Variants in SP8 observed in about 807,000 individuals in gnomAD.
SP8 encodes Sp8 transcription factor.
A neutral mutation model predicts 15.3 loss-of-function variants in SP8; 7 were observed. That is an observed-to-expected ratio of 0.46 (90% CI 0.26 to 0.86). The LOEUF (loss-of-function observed/expected upper bound fraction) is 0.86, where lower values mean the gene tolerates loss of function less well. SP8 is among the 40% of genes least tolerant of loss of function. The pLI is 0.16. For synonymous variants in SP8, 415 were observed against 356.3 expected, an observed-to-expected ratio of 1.16 and a Z score of -1.86; for missense variants, 731 against 736.4, an observed-to-expected ratio of 0.99 and a Z score of 0.09.
Position 20,785,059 on chromosome 7 carries a change from G to A in SP8, c.758C>T (p.Pro253Leu), listed in dbSNP as rs776116903. ...SAAALPGSLH[P>L]AAGGLQTSLH... ...CGAGGTTTGGAGCCCCCCGGCGGCA[G>A]GGTGCAGCGAGCCGGGCAGCGCAGC... Residue 253 changes from proline (P) to leucine (L), a missense_variant, in exon 2 of 2, where the codon CCT (proline) becomes CTT (leucine). Physicochemically the swap from Pro to Leu is moderately conservative, Grantham distance 98. Coordinates refer to ENST00000418710, the MANE Select transcript of SP8 (RefSeq NM_182700.6). The surrounding 1 kb of genome is among the most constrained non-coding windows in gnomAD (Gnocchi z 7.2). The A allele has an allele frequency of 1.9e-6, 3 of 1,579,650 alleles. No individual in the cohort carries two copies. The highest frequency in any genetic ancestry group is 1.1e-5 in the South Asian group (1 of 89,044).
chr7:20,784,650 C>A lies in SP8; in HGVS notation c.1167G>T (p.Ser389=). ...GCCAGCGCAGGTGCGCCTTGAGGTG[C>A]GAAGTCTTGCCGTACACCTTGCCGC... The part of the protein sequence containing the change: ...PGCGKVYGKT[S]HLKAHLRWHT... Residue 389 remains serine (S), a synonymous_variant, in exon 2 of 2, where the codon TCG becomes TCT. Transcript: ENST00000418710. 2 of 1,610,392 alleles carry A rather than the reference C, an allele frequency of 1.2e-6. No individual in the cohort carries two copies. Among genetic ancestry groups the A allele is most frequent in the Non-Finnish European group, 1.7e-6 (2 of 1,179,222 alleles).
In SP8 at chr7:20,784,773, G is replaced by A. The variant is rs1469981331; in HGVS notation, c.1044C>T (p.Ala348=). ...CCTGGCAGTTGGGGCAGTCGCAGGTGGCGCGGCCGGAGTAGCGGCGAGCTG... is the reference window on the plus strand; with the variant it reads ...CCTGGCAGTTGGGGCAGTCGCAGGTAGCGCGGCCGGAGTAGCGGCGAGCTG... The part of the protein sequence containing the change: ...RSSARRYSGR[A]TCDCPNCQEA... The change falls in exon 2 of 2, where the codon GCC becomes GCT. Residue 348 remains alanine (A), a synonymous_variant. Coordinates refer to ENST00000418710, the MANE Select transcript of SP8 (RefSeq NM_182700.6). The A allele has an allele frequency of 2.6e-6, 4 of 1,553,654 alleles. No homozygotes were observed. The highest frequency in any genetic ancestry group is 3.5e-6 in the Non-Finnish European group (4 of 1,156,586).
In SP8 at chr7:20,784,395, C is replaced by T. The variant is rs1480771534; in HGVS notation, c.1422G>A (p.Lys474=). The stretch of plus-strand genomic sequence containing the variant: ...TGTGCTCGCTGTCGGTGTCGCTGCC[C>T]TTCTTGCCGCCGCTGCCCGAGCCCG... ...GSAGSGSGGK[K]GSDTDSEHSA... Residue 474 remains lysine (K), a synonymous_variant, in exon 2 of 2, where the codon AAG becomes AAA. Coordinates refer to ENST00000418710, the MANE Select transcript of SP8 (RefSeq NM_182700.6). The T allele has an allele frequency of 6.5e-7, 1 of 1,527,536 alleles. No individual in the cohort carries two copies. The highest frequency in any genetic ancestry group is 8.7e-7 in the Non-Finnish European group (1 of 1,143,036). The allele number at this position is 1,527,536 out of a possible 1,614,324, so 94.6% of individuals were successfully genotyped here.
chr7:20,783,909 G>A lies in SP8; in HGVS notation c.*381C>T, dbSNP rs1294329914. 1 of 195,578 alleles carries A rather than the reference G, an allele frequency of 5.1e-6. No homozygotes were observed. Among genetic ancestry groups the A allele is most frequent in the African/African-American group, 2.6e-5 (1 of 37,988 alleles). 12.1% of individuals were successfully genotyped at this position (195,578 alleles called of 1,614,324 possible). A position where few individuals can be genotyped will look rare whatever the true frequency, so the allele number is the denominator to read the frequency against. ...CCGCTGTCTACCAGGCACTGGATTA[G>A]TCCAGCTCTACCTCCAGTGGCCGTT... On this transcript the variant is annotated 3_prime_UTR_variant, in exon 2 of 2. Coordinates refer to ENST00000418710, the MANE Select transcript of SP8 (RefSeq NM_182700.6).
In SP8 at chr7:20,786,765, T is replaced by TAG; in HGVS notation, c.21+12_21+13insCT. On this transcript the variant is annotated intron_variant, in intron 1 of 1. Coordinates refer to ENST00000418710, the MANE Select transcript of SP8 (RefSeq NM_182700.6). The surrounding 1 kb of genome is among the most constrained non-coding windows in gnomAD (Gnocchi z 4.4). ...AACTAATTAAACCAGCAAGAGAAAA[T>TAG]CCTGAGACTCACCCCTAGAAGTGAA... 6.2e-7 allele frequency: 1 copy of TAG among 1,612,860 alleles called. No individual in the cohort carries two copies. The highest frequency in any genetic ancestry group is 8.5e-7 in the Non-Finnish European group (1 of 1,179,294).
rs891270195 is a variant in SP8 at position 20,783,966 on chromosome 7, G to C, written c.*324C>G. On this transcript the variant is annotated 3_prime_UTR_variant, in exon 2 of 2. Transcript: ENST00000418710. ...AAAAGTTACGCCCTTCACAACCTGG[G>C]GGGTGGAGGAGGGGAGGACAAGGAA... 6 of 360,896 alleles carry C rather than the reference G, an allele frequency of 1.7e-5. No homozygotes were observed. In the South Asian group the frequency reaches 4.6e-4, roughly 28 times the overall value. 22.4% of individuals were successfully genotyped at this position (360,896 alleles called of 1,614,324 possible). A position where few individuals can be genotyped will look rare whatever the true frequency, so the allele number is the denominator to read the frequency against.
Position 20,786,729 on chromosome 7 carries a change from CA to C in SP8, c.21+48del. 1 of 1,577,644 alleles carries C rather than the reference CA, an allele frequency of 6.3e-7. No homozygotes were observed. On this transcript the variant is annotated intron_variant, in intron 1 of 1. Coordinates refer to ENST00000418710, the MANE Select transcript of SP8 (RefSeq NM_182700.6). This position sits in a 1 kb window ranked among gnomAD's most constrained non-coding sequence, Gnocchi z 4.4. The stretch of plus-strand genomic sequence containing the variant: ...GGCGACTTTAACCCCCTCCAATCGG[CA>C]ATAAAAGGAAACTAATTAAACCAGC...
chr7:20,785,325 G>GCCGCCGCCC lies in SP8; in HGVS notation c.491_492insGGGCGGCGG (p.Gly163_Gly165dup). On this transcript the variant is annotated inframe_insertion, in exon 2 of 2. Transcript: ENST00000418710. This position sits in a 1 kb window ranked among gnomAD's most constrained non-coding sequence, Gnocchi z 7.2. ...CGTCCTGCGAGTGCGCGGAGGAGCC[G>GCCGCCGCCC]CCGCCGCCGCCCCCGCCGCCGCCGC... The GCCGCCGCCC allele has an allele frequency of 1.4e-6, 2 of 1,436,204 alleles. No individual in the cohort carries two copies. The highest frequency in any genetic ancestry group is 1.8e-6 in the Non-Finnish European group (2 of 1,085,050). The allele number at this position is 1,436,204 out of a possible 1,614,324, so 89.0% of individuals were successfully genotyped here. A position where few individuals can be genotyped will look rare whatever the true frequency, so the allele number is the denominator to read the frequency against.
chr7:20,785,327 C>G lies in SP8; in HGVS notation c.490G>C (p.Gly164Arg). 1 of 1,481,172 alleles carries G rather than the reference C, an allele frequency of 6.8e-7. No individual in the cohort carries two copies. The allele number at this position is 1,481,172 out of a possible 1,614,324, so 91.8% of individuals were successfully genotyped here. A position where few individuals can be genotyped will look rare whatever the true frequency, so the allele number is the denominator to read the frequency against. The stretch of plus-strand genomic sequence containing the variant: ...TCCTGCGAGTGCGCGGAGGAGCCGC[C>G]GCCGCCGCCCCCGCCGCCGCCGCCG... Reference protein sequence around the residue: ...GSGGGGGGGGGGSSAHSQDGS... With the variant: ...GSGGGGGGGGRGSSAHSQDGS... The change falls in exon 2 of 2, where the codon GGC (glycine) becomes CGC (arginine). Residue 164 changes from glycine to arginine, a missense_variant. Gly to Arg is a moderately radical substitution (Grantham distance 125). This residue lies in a region of SP8 where 586 missense variants were observed against 524.9 expected (regional missense o/e 1.12). Coordinates refer to ENST00000418710, the MANE Select transcript of SP8 (RefSeq NM_182700.6). The surrounding 1 kb of genome is among the most constrained non-coding windows in gnomAD (Gnocchi z 7.2).
At position 20,785,713 on chromosome 7, in the gene SP8, G is replaced by A; in HGVS notation, c.104C>T (p.Ser35Phe). The A allele has an allele frequency of 6.2e-7, 1 of 1,613,994 alleles. No homozygotes were observed. The highest frequency in any genetic ancestry group is 8.5e-7 in the Non-Finnish European group (1 of 1,179,980). Residue 35 changes from serine (S) to phenylalanine (F), a missense_variant, in exon 2 of 2, where the codon TCC becomes TTC. Ser to Phe is a radical substitution (Grantham distance 155, BLOSUM62 -2). Around this residue, in one of 3 missense-constraint regions of SP8, gnomAD observed 586 missense variants for 524.9 expected, o/e 1.12. Coordinates refer to ENST00000418710, the MANE Select transcript of SP8 (RefSeq NM_182700.6). The surrounding 1 kb of genome is among the most constrained non-coding windows in gnomAD (Gnocchi z 7.2). ...NKIGSPSPSPSSLSDSSSSFG... is the reference protein window; with the variant it reads ...NKIGSPSPSPFSLSDSSSSFG... ...GGAAGAAGAGCTGTCCGAGAGGGAG[G>A]AGGGAGACGGGCTGGGGCTGCCTAT... is the stretch of plus-strand genomic sequence containing the variant.
chr7:20,785,550 CG>C lies in SP8; in HGVS notation c.266del (p.Ala89GlyfsTer188). 1 of 1,473,436 alleles carries C rather than the reference CG, an allele frequency of 6.8e-7. No homozygotes were observed. The highest frequency in any genetic ancestry group is 9.0e-7 in the Non-Finnish European group (1 of 1,108,358). The allele number at this position is 1,473,436 out of a possible 1,614,324, so 91.3% of individuals were successfully genotyped here. ...RNGGSSSAAA[A>X]AAAAAAAAAA... Reference sequence around the variant, plus strand: ...CGGCAGCCGCGGCTGCTGCCGCGGCCGCCGCAGCCGCCGAGGACGAGCCGCC... The same window carrying C: ...CGGCAGCCGCGGCTGCTGCCGCGGCCCCGCAGCCGCCGAGGACGAGCCGCC... On this transcript the variant is annotated frameshift_variant, in exon 2 of 2. Transcript: ENST00000418710. LOFTEE classifies it low-confidence loss of function (END_TRUNC). The surrounding 1 kb of genome is among the most constrained non-coding windows in gnomAD (Gnocchi z 7.2).
In SP8 at chr7:20,786,874, T is replaced by C. The variant is rs1583486310; in HGVS notation, c.-76A>G. Reference sequence around the variant, plus strand: ...TCAGAGGCAGTGTTTTTTTTAGAGGTGTGCAATACAATGATCAGTTCCGCC... The same window carrying C: ...TCAGAGGCAGTGTTTTTTTTAGAGGCGTGCAATACAATGATCAGTTCCGCC... On this transcript the variant is annotated 5_prime_UTR_variant, in exon 1 of 2. Coordinates refer to ENST00000418710, the MANE Select transcript of SP8 (RefSeq NM_182700.6). The surrounding 1 kb of genome is among the most constrained non-coding windows in gnomAD (Gnocchi z 4.4). 3 of 1,191,204 alleles carry C rather than the reference T, an allele frequency of 2.5e-6. No individual in the cohort carries two copies. The highest frequency in any genetic ancestry group is 1.9e-4 in the Middle Eastern group (1 of 5,256). 73.8% of individuals were successfully genotyped at this position (1,191,204 alleles called of 1,614,324 possible).
chr7:20,785,451 G>C lies in SP8; in HGVS notation c.366C>G (p.Ser122Arg). The change falls in exon 2 of 2, where the codon AGC (serine) becomes AGG (arginine). Residue 122 changes from serine (S) to arginine (R), a missense_variant. By Grantham distance (110) the Ser-to-Arg change is moderately radical. Transcript: ENST00000418710. This position sits in a 1 kb window ranked among gnomAD's most constrained non-coding sequence, Gnocchi z 7.2. ...CGGCGGCGGCGGCGGCGGCTGCGGC[G>C]CTGCTGGAGGTGAGGGAGAAGGCGC... ...GSSAFSLTSS[S>R]AAAAAAAAAA... The C allele has an allele frequency of 8.6e-7, 1 of 1,167,964 alleles. No homozygotes were observed. The highest frequency in any genetic ancestry group is 1.1e-6 in the Non-Finnish European group (1 of 934,582). 72.4% of individuals were successfully genotyped at this position (1,167,964 alleles called of 1,614,324 possible). A position where few individuals can be genotyped will look rare whatever the true frequency, so the allele number is the denominator to read the frequency against.
rs753881527 is a variant in SP8 at position 20,785,541 on chromosome 7, TGCCGCGGCC to T, written c.267_275del (p.Ala97_Ala99del). ...CCAGGGCCGCGGCAGCCGCGGCTGC[TGCCGCGGCC>T]GCCGCAGCCGCCGAGGACGAGCCGC... On this transcript the variant is annotated inframe_deletion, in exon 2 of 2. Coordinates refer to ENST00000418710, the MANE Select transcript of SP8 (RefSeq NM_182700.6). This position sits in a 1 kb window ranked among gnomAD's most constrained non-coding sequence, Gnocchi z 7.2. 13 of 1,023,788 alleles carry T rather than the reference TGCCGCGGCC, an allele frequency of 1.3e-5. No individual in the cohort carries two copies. Among genetic ancestry groups the T allele is most frequent in the South Asian group, 1.5e-5 (1 of 65,286 alleles). 63.4% of individuals were successfully genotyped at this position (1,023,788 alleles called of 1,614,324 possible).
In SP8 at chr7:20,785,083, G is replaced by A. The variant is rs1256178490; in HGVS notation, c.734C>T (p.Ala245Val). The change falls in exon 2 of 2, where the codon GCT becomes GTT. Residue 245 changes from alanine (A) to valine (V), a missense_variant. By Grantham distance (64) the Ala-to-Val change is moderately conservative (BLOSUM62 0). Coordinates refer to ENST00000418710, the MANE Select transcript of SP8 (RefSeq NM_182700.6). The surrounding 1 kb of genome is among the most constrained non-coding windows in gnomAD (Gnocchi z 7.2). ...AGGGTGCAGCGAGCCGGGCAGCGCA[G>A]CCGCGCTGTTCGGGTTCTGCACGTC... is the stretch of plus-strand genomic sequence containing the variant. Reference protein sequence around the residue: ...WIDVQNPNSAAALPGSLHPAA... With the variant: ...WIDVQNPNSAVALPGSLHPAA... The A allele has an allele frequency of 1.3e-6, 2 of 1,583,884 alleles. No homozygotes were observed. Among genetic ancestry groups the A allele is most frequent in the Non-Finnish European group, 1.7e-6 (2 of 1,170,790 alleles).
rs1783591647 is a variant in SP8 at position 20,784,304 on chromosome 7, T to G, written c.1513A>C (p.Asn505His). ...LLQPPEPGHR[N>H]GLE is the part of the protein sequence containing the mutation. ...CAGGGTGGGCGTCACTCTAGGCCGTTGCGGTGCCCGGGCTCGGGGGGCTGC... is the reference window on the plus strand; with the variant it reads ...CAGGGTGGGCGTCACTCTAGGCCGTGGCGGTGCCCGGGCTCGGGGGGCTGC... Residue 505 changes from asparagine to histidine, a missense_variant, in exon 2 of 2, where the codon AAC (asparagine) becomes CAC (histidine). Transcript: ENST00000418710. 1 of 1,493,420 alleles carries G rather than the reference T, an allele frequency of 6.7e-7. No homozygotes were observed. Among genetic ancestry groups the G allele is most frequent in the South Asian group, 1.3e-5 (1 of 79,130 alleles). The allele number at this position is 1,493,420 out of a possible 1,614,324, so 92.5% of individuals were successfully genotyped here. A position where few individuals can be genotyped will look rare whatever the true frequency, so the allele number is the denominator to read the frequency against.
At position 20,784,838 on chromosome 7, in the gene SP8, C is replaced by A; in HGVS notation, c.979G>T (p.Ala327Ser). The stretch of plus-strand genomic sequence containing the variant: ...CCCCCCAGCGGCGCCGAAGGCCCAG[C>A]GCTCAACATGGAGCCCCCCGCGCCG... ...LAGAGGSMLS[A>S]GPSAPLGGSP... The change falls in exon 2 of 2, where the codon GCT (alanine) becomes TCT (serine). Residue 327 changes from alanine to serine, a missense_variant. By Grantham distance (99) the Ala-to-Ser change is moderately conservative (BLOSUM62 1). Around this residue, in one of 3 missense-constraint regions of SP8, gnomAD observed 586 missense variants for 524.9 expected, o/e 1.12. Transcript: ENST00000418710. 6.6e-7 allele frequency: 1 copy of A among 1,525,688 alleles called. No individual in the cohort carries two copies. Among genetic ancestry groups the A allele is most frequent in the South Asian group, 1.2e-5 (1 of 82,972 alleles). 94.5% of individuals were successfully genotyped at this position (1,525,688 alleles called of 1,614,324 possible).
rs1447929615 is a variant in SP8 at position 20,785,842 on chromosome 7, G to T, written c.22-47C>A. 6.5e-7 allele frequency: 1 copy of T among 1,547,454 alleles called. No homozygotes were observed. Among genetic ancestry groups the T allele is most frequent in the South Asian group, 1.2e-5 (1 of 86,832 alleles). ...GAGTGGGGGAGGGGAGGTGGGCAAA[G>T]GGCCGGTGGGGGAGGAAAGGAAGAA... On this transcript the variant is annotated intron_variant, in intron 1 of 1. Coordinates refer to ENST00000418710, the MANE Select transcript of SP8 (RefSeq NM_182700.6). The surrounding 1 kb of genome is among the most constrained non-coding windows in gnomAD (Gnocchi z 7.2).
rs918904809 is a variant in SP8, at chr7:20,786,820, T to C, written c.-22A>G. On this transcript the variant is annotated 5_prime_UTR_variant, in exon 1 of 2. Coordinates refer to ENST00000418710, the MANE Select transcript of SP8 (RefSeq NM_182700.6). This position sits in a 1 kb window ranked among gnomAD's most constrained non-coding sequence, Gnocchi z 4.4. ...CCATCACACAAAAGTGCCCTCCTCC[T>C]CTCAGAGGATCTTTTTTATATTGAT... 2 of 1,598,510 alleles carry C rather than the reference T, an allele frequency of 1.3e-6. No individual in the cohort carries two copies. The highest frequency in any genetic ancestry group is 3.3e-5 in the Admixed American group (2 of 60,008).
Sources: gnomAD v4.1 joint callset for allele counts on GRCh38, gnomAD v4.1.1 for gene constraint, gnomAD v4.1.1 regional missense constraint, Gnocchi (gnomAD v3.1) non-coding constraint, MANE v1.5 for transcripts, NCBI Gene and HGNC (gene_info 2026-07-23, HGNC 2026-07-21) for gene names.